GRM5: variants seen among roughly 807,000 people sequenced by gnomAD.
The protein encoded by GRM5 is glutamate metabotropic receptor 5, also known as metabotropic glutamate receptor 5.
Under a neutral mutation model 83.1 loss-of-function variants are expected in GRM5, and 19 were observed. That is an observed-to-expected ratio of 0.23 (90% CI 0.16 to 0.34). The LOEUF (loss-of-function observed/expected upper bound fraction) is 0.34, where lower values mean the gene tolerates loss of function less well. Ranked by LOEUF, GRM5 falls within the 10% of genes least tolerant of loss-of-function variation. The pLI is 1.00. For synonymous variants in GRM5, 675 were observed against 633.6 expected (o/e 1.07, Z -0.98); for missense variants, 1,160 against 1,588.3 (o/e 0.73, Z 4.58).
intron 1 of GRM5, among the ~76,000 whole-genome samples, chr11:89,064,854 T>TTCTCTCTCTCTCTCTCTC (rs144985912): frequency 1.5e-4 from 7 of 46,094 alleles, no homozygotes; most frequent in African/African-American, 5.8e-4. Context: ...ATTTTTCATA[T>TTCTCTCTCTCTCTCTCTC]TCTCTCTCTC....
chr11:88,788,986 C>T (rs1366053669), intron 3 of GRM5, among the ~76,000 whole-genome samples: 1 of 152,094 alleles, frequency 6.6e-6, no homozygotes, highest in African/African-American at 2.4e-5. Flanking sequence ...TCATTGTCCT[C>T]TTGGGGAATG....
intron 4 of GRM5, among the ~76,000 whole-genome samples, chr11:88,639,290 G>A (rs1939225809): frequency 1.3e-5 from 2 of 152,044 alleles, no homozygotes; most frequent in Non-Finnish European, 2.9e-5. Flanking sequence ...CTCTCTTCAC[G>A]CAGTTCTCTC....
chr11:88,994,198 A>C (rs1218646455), intron 2 of GRM5, among the ~76,000 whole-genome samples: 13 of 151,764 alleles, frequency 8.6e-5, no homozygotes, highest in Non-Finnish European at 1.3e-4. Flanking sequence ...CATACAAGGA[A>C]AACAATGAGA....
chr11:88,626,356 A>G lies in GRM5; in HGVS notation c.1148-21392T>C, dbSNP rs1490206685. Among the ~76,000 whole-genome samples, 3 of 152,212 alleles carry G rather than the reference A, an allele frequency of 2.0e-5. No homozygotes were observed. In the East Asian group the frequency reaches 5.8e-4, roughly 29 times the overall value. On this transcript the variant is annotated intron_variant, in intron 4 of 9. Transcript: ENST00000305447. ...AGAATATATAAAACAGTCTAATCGG[A>G]AACCTTCTGGCAATAAGAGTTTGCA...
At chr11:88,984,950 T>A (rs912917420) in intron 2 of GRM5, 1 of 587,152 alleles carries the variant, frequency 1.7e-6, no homozygotes. Flanking sequence ...TTTGACTCAC[T>A]TTTTTTCTAA....
rs1380790751 is a variant in GRM5 at position 88,918,269 on chromosome 11, T to G, written c.662-68114A>C. The stretch of plus-strand genomic sequence containing the variant: ...CCAAGAATAGTATATCCAGTGAAAA[T>G]ATCCTGCAGACATGAAGGAGAAATA... On this transcript the variant is annotated intron_variant, in intron 2 of 9. Coordinates refer to ENST00000305447, the MANE Select transcript of GRM5 (RefSeq NM_001143831.3). 5.4e-5 allele frequency among the ~76,000 whole-genome samples: 8 copies of G among 149,346 alleles called. No homozygotes were observed. In the South Asian group the frequency reaches 8.4e-4, roughly 16 times the overall value.
At chr11:88,621,968 A>G (rs1481600179) in intron 4 of GRM5, among the ~76,000 whole-genome samples, 1 of 152,204 alleles carries the variant, frequency 6.6e-6, no homozygotes, top group East Asian at 1.9e-4. Context: ...TCTATATAAA[A>G]TGATTAATAT....
chr11:88,947,784 G>T (rs1374289851), intron 2 of GRM5, among the ~76,000 whole-genome samples: 1 of 152,090 alleles, frequency 6.6e-6, no homozygotes, highest in Admixed American at 6.6e-5. Flanking sequence ...TAAAGGAAAA[G>T]CAGTAAATAA....
chr11:88,578,081 A>G (rs1943149908), intron 7 of GRM5, among the ~76,000 whole-genome samples: 1 of 152,068 alleles, frequency 6.6e-6, no homozygotes, highest in Admixed American at 6.6e-5. Flanking sequence ...ATTCTGGGGA[A>G]AAGCCAGGCT....
chr11:89,021,770 A>T (rs1369621572), intron 2 of GRM5, among the ~76,000 whole-genome samples: 1 of 152,170 alleles, frequency 6.6e-6, no homozygotes, highest in African/African-American at 2.4e-5. Flanking sequence ...TCAGAGTCTC[A>T]GTTTGTCTAT....
chr11:88,869,392 A>G (rs1197752702), intron 2 of GRM5, among the ~76,000 whole-genome samples: 1 of 151,542 alleles, frequency 6.6e-6, no homozygotes, highest in African/African-American at 2.4e-5. Context: ...ATTGATACAA[A>G]AAATGGTACC....
intron 2 of GRM5, among the ~76,000 whole-genome samples, chr11:88,910,079 C>G (rs533327452): frequency 6.6e-6 from 1 of 152,068 alleles, no homozygotes; most frequent in Non-Finnish European, 1.5e-5. Flanking sequence ...TCCCCAGTTC[C>G]CACTTCCCCA....
rs768806158 is a variant in GRM5 at position 88,636,293 on chromosome 11, C to T, written c.1147+16875G>A. On this transcript the variant is annotated intron_variant, in intron 4 of 9. Coordinates refer to ENST00000305447, the MANE Select transcript of GRM5 (RefSeq NM_001143831.3). ...TTGGGAGGCCAAGGTGGGTGGATCA[C>T]TTGAGGTCAGGAGTTTGAGAACAGC... Among the ~76,000 whole-genome samples the T allele has an allele frequency of 3.7e-4, 56 of 152,296 alleles. 1 individual carries two copies. The highest frequency in any genetic ancestry group is 1.8e-3 in the Admixed American group (28 of 15,290).
At chr11:88,606,074 G>A (rs968387159) in intron 4 of GRM5, among the ~76,000 whole-genome samples, 2 of 152,154 alleles carry the variant, frequency 1.3e-5, no homozygotes, top group Non-Finnish European at 2.9e-5. Flanking sequence ...GAGAAAGAGT[G>A]GTCCAAGCAT....
At chr11:89,046,944 T>C (rs957560702) in intron 2 of GRM5, among the ~76,000 whole-genome samples, 11 of 152,190 alleles carry the variant, frequency 7.2e-5, no homozygotes, top group African/African-American at 2.7e-4. Flanking sequence ...AGAAGTATAA[T>C]ATAGCATCAG....
intron 4 of GRM5, among the ~76,000 whole-genome samples, chr11:88,648,096 C>T (rs948281972): frequency 2.0e-4 from 31 of 152,156 alleles, no homozygotes; most frequent in South Asian, 1.0e-3. Context: ...GTCAGTGTGG[C>T]GATTCCTCAG....
At chr11:88,568,042 G>T in intron 7 of GRM5, 50 bp from the exon 8 acceptor site, 1 of 1,217,716 alleles carries the variant, frequency 8.2e-7, no homozygotes, top group South Asian at 1.4e-5. Context: ...TGTTGACTTG[G>T]GTCACATATC....
chr11:88,535,693 A>G (rs963215448), intron 8 of GRM5, among the ~76,000 whole-genome samples: 17 of 152,186 alleles, frequency 1.1e-4, no homozygotes, highest in Admixed American at 2.0e-4. Context: ...AACTGAGTCT[A>G]AGAATTTCTG....
At chr11:88,653,115 T>C in intron 4 of GRM5, 53 bp downstream of exon 4, 1 of 1,129,562 alleles carries the variant, frequency 8.9e-7, no homozygotes, top group East Asian at 2.4e-5. Flanking sequence ...ATGGTTTACT[T>C]AAATTGGAAC....
Sources: allele counts gnomAD v4.1 joint callset (sites outside exome capture counted in the v4.1 genomes callset), GRCh38; gene constraint gnomAD v4.1.1; transcripts MANE v1.5; gene names NCBI Gene and HGNC (gene_info 2026-07-23, HGNC 2026-07-21).